PCDHAC1: variants seen among roughly 807,000 people sequenced by gnomAD.
The protein encoded by PCDHAC1 is protocadherin alpha subfamily C, 1.
PCDHAC1 carries 42 observed loss-of-function variants against 60.0 expected under a neutral mutation model. That is an observed-to-expected ratio of 0.70 (90% confidence interval 0.55 to 0.90). The LOEUF (loss-of-function observed/expected upper bound fraction) is 0.90. Among genes scored for constraint, PCDHAC1 ranks in the 40% least tolerant of loss-of-function variants. The pLI is 0.00. For synonymous variants in PCDHAC1, 468 were observed against 499.3 expected (o/e 0.94, Z 0.84); for missense variants, 1,160 against 1,222.3 (o/e 0.95, Z 0.76).
chr5:140,998,809 C>T (rs782698811), intron 3 of PCDHAC1, among the ~76,000 whole-genome samples: 14 of 152,212 alleles, frequency 9.2e-5, no homozygotes, highest in Non-Finnish European at 1.9e-4. Context: ...GGTGATCTGC[C>T]TGCCTTGGCC....
At chr5:140,929,554 C>T (rs899446101) in intron 1 of PCDHAC1, 4 of 488,414 alleles carry the variant, frequency 8.2e-6, no homozygotes, top group Non-Finnish European at 1.4e-5. Context: ...AAAATTAAAA[C>T]CTATTTAAGA....
intron 3 of PCDHAC1, among the ~76,000 whole-genome samples, chr5:140,996,702 T>A (rs2097740306): frequency 6.6e-6 from 1 of 152,174 alleles, no homozygotes; most frequent in African/African-American, 2.4e-5. Context: ...TGAACCTCTA[T>A]CTCTTTGATT....
intron 1 of PCDHAC1, among the ~76,000 whole-genome samples, chr5:140,950,403 A>C (rs2094477208): frequency 6.6e-6 from 1 of 151,818 alleles, no homozygotes; most frequent in Admixed American, 6.6e-5. Flanking sequence ...ATTCTGGGGG[A>C]TTGACAGATT....
At chr5:141,008,512 C>A (rs1006553111) in intron 3 of PCDHAC1, among the ~76,000 whole-genome samples, 2 of 152,094 alleles carry the variant, frequency 1.3e-5, no homozygotes, top group Non-Finnish European at 2.9e-5. Context: ...GGTGTGTCTT[C>A]CAATCAGACT....
At chr5:140,937,821 A>G (rs1270019197) in intron 1 of PCDHAC1, among the ~76,000 whole-genome samples, 2 of 151,608 alleles carry the variant, frequency 1.3e-5, no homozygotes, top group Non-Finnish European at 2.9e-5. Flanking sequence ...CTGAGGCAGG[A>G]GAATGGCATG....
chr5:140,969,166 C>T lies in PCDHAC1; in HGVS notation c.2434-9783C>T, dbSNP rs1554231524. ...GCTACAAGGCCTGTCTGACAGCAGG[C>T]TCAGGGAGTGACACTTTCATGTTTT... On this transcript the variant is annotated intron_variant, in intron 1 of 3. Transcript: ENST00000253807. 2.5e-6 allele frequency: 4 copies of T among 1,614,092 alleles called. No homozygotes were observed. In the South Asian group the frequency reaches 4.4e-5, roughly 18 times the overall value.
intron 3 of PCDHAC1, among the ~76,000 whole-genome samples, chr5:141,002,901 G>C (rs2098101392): frequency 6.6e-6 from 1 of 152,224 alleles, no homozygotes; most frequent in Admixed American, 6.5e-5. Flanking sequence ...GCAAGATGAA[G>C]AGAAGATCAG....
Position 140,926,787 on chromosome 5 carries a change from A to G in PCDHAC1, c.-106A>G. The G allele has an allele frequency of 1.4e-6, 2 of 1,420,842 alleles. No individual in the cohort carries two copies. The highest frequency in any genetic ancestry group is 1.8e-6 in the Non-Finnish European group (2 of 1,088,614). The allele number at this position is 1,420,842 out of a possible 1,614,324, so 88.0% of individuals were successfully genotyped here. A position where few individuals can be genotyped will look rare whatever the true frequency, so the allele number is the denominator to read the frequency against. On this transcript the variant is annotated 5_prime_UTR_variant, in exon 1 of 4. Transcript: ENST00000253807. ...CCAGCCCGCAGCAGTGACGGCCGGC[A>G]GGAGCGTGCTCTTCCCCGCGGCTCG...
chr5:140,992,676 G>A (rs2097524186), intron 3 of PCDHAC1, among the ~76,000 whole-genome samples: 1 of 152,146 alleles, frequency 6.6e-6, no homozygotes, highest in African/African-American at 2.4e-5. Flanking sequence ...GTATGTGTGT[G>A]TTAGGGGTTG....
chr5:140,979,434 A>G (rs1490433887), intron 2 of PCDHAC1, among the ~76,000 whole-genome samples: 1 of 151,986 alleles, frequency 6.6e-6, no homozygotes, highest in South Asian at 2.1e-4. Context: ...CACATTGGCT[A>G]TTACATCCTA....
intron 3 of PCDHAC1, among the ~76,000 whole-genome samples, chr5:140,995,389 G>T (rs1377788418): frequency 6.6e-6 from 1 of 152,190 alleles, no homozygotes; most frequent in Non-Finnish European, 1.5e-5. Context: ...GCAGGATAAA[G>T]CGGGATGGCT....
intron 1 of PCDHAC1, among the ~76,000 whole-genome samples, chr5:140,975,537 C>T (rs1554236874): frequency 6.6e-6 from 1 of 152,166 alleles, no homozygotes; most frequent in African/African-American, 2.4e-5. Context: ...ATTCTTAATA[C>T]AGTCCTATTA....
intron 3 of PCDHAC1, among the ~76,000 whole-genome samples, chr5:141,005,658 C>T (rs1014602554): frequency 6.9e-4 from 96 of 138,640 alleles, no homozygotes; most frequent in African/African-American, 2.4e-3. Flanking sequence ...GTCGAGATCG[C>T]GCCACTGCAC....
chr5:141,007,812 G>C (rs1446053616), intron 3 of PCDHAC1, among the ~76,000 whole-genome samples: 2 of 152,078 alleles, frequency 1.3e-5, no homozygotes, highest in Non-Finnish European at 2.9e-5. Context: ...CCATTCATTT[G>C]CCTTCCCCCA....
At chr5:140,968,231 T>A in intron 1 of PCDHAC1, 1 of 1,614,032 alleles carries the variant, frequency 6.2e-7, no homozygotes. Context: ...TGTGTTGCTC[T>A]GTACTGTGCA....
chr5:140,951,008 G>A (rs563188363), intron 1 of PCDHAC1, among the ~76,000 whole-genome samples: 2 of 151,974 alleles, frequency 1.3e-5, no homozygotes, highest in South Asian at 4.2e-4. Flanking sequence ...TTTTTCCCAA[G>A]ATCAGGCAGT....
At position 140,979,027 on chromosome 5, in the gene PCDHAC1, T is replaced by C. The variant is rs782016038; in HGVS notation, c.2492+20T>C. ...GCACAGGTATGTATTTCCCTCCTCA[T>C]TCACTCAGAAGTAACCTTAACTTGG... On this transcript the variant is annotated intron_variant, in intron 2 of 3. Coordinates refer to ENST00000253807, the MANE Select transcript of PCDHAC1 (RefSeq NM_018898.5). The C allele has an allele frequency of 3.5e-5, 57 of 1,613,492 alleles. No homozygotes were observed. Among genetic ancestry groups the C allele is most frequent in the Non-Finnish European group, 4.4e-5 (52 of 1,179,754 alleles).
At position 141,011,317 on chromosome 5, in the gene PCDHAC1, T is replaced by C. The variant is rs1554263417; in HGVS notation, c.*1380T>C. On this transcript the variant is annotated 3_prime_UTR_variant, in exon 4 of 4. Transcript: ENST00000253807. ...TAACACTCTGAATTGCTAATCTTAC[T>C]AACACCTATGATGTTACCTGAAATC... 1 of 153,818 alleles carries C rather than the reference T, an allele frequency of 6.5e-6. No homozygotes were observed. The highest frequency in any genetic ancestry group is 2.4e-5 in the African/African-American group (1 of 41,470). 9.5% of individuals were successfully genotyped at this position (153,818 alleles called of 1,614,324 possible).
chr5:140,945,246 G>A (rs1257337219), intron 1 of PCDHAC1, among the ~76,000 whole-genome samples: 1 of 151,864 alleles, frequency 6.6e-6, no homozygotes, highest in African/African-American at 2.4e-5. Context: ...TTAACCAAGA[G>A]GATGAAAGAC....
Sources: gnomAD v4.1 joint callset for allele counts (sites outside exome capture counted in the v4.1 genomes callset) on GRCh38, gnomAD v4.1.1 for gene constraint, MANE v1.5 for transcripts, NCBI Gene and HGNC (gene_info 2026-07-23, HGNC 2026-07-21) for gene names.